Variants in JAKMIP1 observed in about 807,000 individuals in gnomAD.
JAKMIP1 encodes the protein janus kinase and microtubule interacting protein 1.
Under a neutral mutation model 113.0 loss-of-function variants are expected in JAKMIP1, and 33 were observed. The ratio of observed to expected loss-of-function variants is 0.29; its 90% CI spans 0.22 to 0.39. The LOEUF is 0.39. Ranked by LOEUF, JAKMIP1 falls within the 10% of genes least tolerant of loss-of-function variation. The pLI, the probability that JAKMIP1 is intolerant of heterozygous loss-of-function variation, is 1.00. For missense variants in JAKMIP1, 813 were observed against 1,080.5 expected (o/e 0.75, Z 3.47); for synonymous variants, 480 against 459.9 (o/e 1.04, Z -0.56).
At chr4:6,041,215 G>A (rs190335243) in intron 17 of JAKMIP1, among the ~76,000 whole-genome samples, 10 of 152,284 alleles carry the variant, frequency 6.6e-5, no homozygotes, top group African/African-American at 1.9e-4. Flanking sequence ...TCTCCGGAGT[G>A]CAAATCTCTT....
intron 3 of JAKMIP1, among the ~76,000 whole-genome samples, chr4:6,098,902 A>G (rs1712534974): frequency 6.6e-6 from 1 of 152,228 alleles, no homozygotes; most frequent in African/African-American, 2.4e-5. Context: ...CGCTTCTTAA[A>G]CTTCATGTGA....
chr4:6,154,447 C>T lies in JAKMIP1; in HGVS notation c.-147-41450G>A, dbSNP rs547851354. On this transcript the variant is annotated intron_variant, in intron 1 of 20. Coordinates refer to ENST00000409021, the MANE Select transcript of JAKMIP1 (RefSeq NM_001099433.2). The surrounding 1 kb of genome is among the most constrained non-coding windows in gnomAD (Gnocchi z 4.2). Reference sequence around the variant, plus strand: ...AACAAGCTAAAAACCGAACAGAAGCCTTTAGTTCCCTGAGTGATTGGACAA... The same window carrying T: ...AACAAGCTAAAAACCGAACAGAAGCTTTTAGTTCCCTGAGTGATTGGACAA... Among the ~76,000 whole-genome samples the T allele has an allele frequency of 9.2e-5, 14 of 151,684 alleles. No homozygotes were observed. In the South Asian group the frequency reaches 2.7e-3, roughly 30 times the overall value.
rs753034919 is a variant in JAKMIP1 at position 6,180,507 on chromosome 4, C to T, written c.-148+19746G>A. ...AAGCACCATAACAACACAGACACCC[C>T]TCTCCCATCAGATAATTTACTACAA... is the stretch of plus-strand genomic sequence containing the variant. On this transcript the variant is annotated intron_variant, in intron 1 of 20. Coordinates refer to ENST00000409021, the MANE Select transcript of JAKMIP1 (RefSeq NM_001099433.2). The surrounding 1 kb of genome is among the most constrained non-coding windows in gnomAD (Gnocchi z 4.5). Among the ~76,000 whole-genome samples, 12 of 152,198 alleles carry T rather than the reference C, an allele frequency of 7.9e-5. No individual in the cohort carries two copies. Among genetic ancestry groups the T allele is most frequent in the Non-Finnish European group, 1.8e-4 (12 of 68,030 alleles).
chr4:6,044,388 C>T lies in JAKMIP1; in HGVS notation c.2029-2161G>A, dbSNP rs548761922. 1.9e-4 allele frequency among the ~76,000 whole-genome samples: 29 copies of T among 152,128 alleles called. No homozygotes were observed. Among genetic ancestry groups the T allele is most frequent in the African/African-American group, 6.7e-4 (28 of 41,534 alleles). On this transcript the variant is annotated intron_variant, in intron 16 of 20. Coordinates refer to ENST00000409021, the MANE Select transcript of JAKMIP1 (RefSeq NM_001099433.2). This position sits in a 1 kb window ranked among gnomAD's most constrained non-coding sequence, Gnocchi z 4.4. Reference sequence around the variant, plus strand: ...CTGAACAGAGGGGACTAGAACTGATCGGCTCCTGCCACAGAACTCCTTCCC... The same window carrying T: ...CTGAACAGAGGGGACTAGAACTGATTGGCTCCTGCCACAGAACTCCTTCCC...
rs765538551 is a variant in JAKMIP1, at chr4:6,084,895, C to T, written c.905G>A (p.Arg302Gln). 5.7e-6 allele frequency: 9 copies of T among 1,592,442 alleles called. No individual in the cohort carries two copies. Among genetic ancestry groups the T allele is most frequent in the Non-Finnish European group, 5.1e-6 (6 of 1,171,306 alleles). Residue 302 changes from arginine (R) to glutamine (Q), a missense_variant, in exon 5 of 21, where the codon CGG (arginine) becomes CAG (glutamine). By Grantham distance (43) the Arg-to-Gln change is conservative. Transcript: ENST00000409021. The stretch of plus-strand genomic sequence containing the variant: ...CAGCGTATTTCTGTCTTCCAGCTTC[C>T]GTATCACTGAATTCAGTTCAGCAAT... ...LKIAELNSVI[R>Q]KLEDRNTLLA...
At chr4:6,100,825 G>A (rs1712891191) in intron 3 of JAKMIP1, among the ~76,000 whole-genome samples, 5 of 152,026 alleles carry the variant, frequency 3.3e-5, no homozygotes, top group African/African-American at 1.2e-4. Context: ...TGATCAATGA[G>A]GTAGAACACC....
intron 1 of JAKMIP1, among the ~76,000 whole-genome samples, chr4:6,174,411 AGAAAGGACCGT>A (rs1333548794): frequency 6.6e-6 from 1 of 152,264 alleles, no homozygotes; most frequent in Non-Finnish European, 1.5e-5. Flanking sequence ...AGGCACAGCG[AGAAAGGACCGT>A]GAATCCTTGG....
chr4:6,096,707 A>C (rs1236950060), intron 3 of JAKMIP1, among the ~76,000 whole-genome samples: 1 of 152,132 alleles, frequency 6.6e-6, no homozygotes, highest in African/African-American at 2.4e-5. Context: ...CCCTTATCTG[A>C]AATGTTTGGG....
At chr4:6,149,703 T>A (rs554714386) in intron 1 of JAKMIP1, among the ~76,000 whole-genome samples, 1 of 152,288 alleles carries the variant, frequency 6.6e-6, no homozygotes, top group African/African-American at 2.4e-5. Flanking sequence ...CAGGGTTTTT[T>A]TCTTCTGATC....
Position 6,184,142 on chromosome 4 carries a change from A to T in JAKMIP1, c.-148+16111T>A, listed in dbSNP as rs968524916. Among the ~76,000 whole-genome samples, 5 of 152,224 alleles carry T rather than the reference A, an allele frequency of 3.3e-5. No individual in the cohort carries two copies. Among genetic ancestry groups the T allele is most frequent in the Non-Finnish European group, 7.3e-5 (5 of 68,036 alleles). Reference sequence around the variant, plus strand: ...TTGGAGCAGGGTGGTTTAGCTATGTAAAAATTTTATTTTTGAAAAGACTTC... The same window carrying T: ...TTGGAGCAGGGTGGTTTAGCTATGTTAAAATTTTATTTTTGAAAAGACTTC... On this transcript the variant is annotated intron_variant, in intron 1 of 20. Transcript: ENST00000409021. This position sits in a 1 kb window ranked among gnomAD's most constrained non-coding sequence, Gnocchi z 4.5.
intron 1 of JAKMIP1, among the ~76,000 whole-genome samples, chr4:6,144,911 C>A (rs1034606736): frequency 1.3e-5 from 2 of 152,060 alleles, no homozygotes; most frequent in Non-Finnish European, 2.9e-5. Context: ...ATAAAAGGCA[C>A]CCAGATCAGA....
intron 2 of JAKMIP1, among the ~76,000 whole-genome samples, chr4:6,111,308 G>GA (rs1157530892): frequency 6.6e-6 from 1 of 152,156 alleles, no homozygotes; most frequent in Non-Finnish European, 1.5e-5. Flanking sequence ...GCTTCAGATA[G>GA]ACCTTCAACT....
intron 1 of JAKMIP1, among the ~76,000 whole-genome samples, chr4:6,169,122 A>G (rs147759733): frequency 5.9e-5 from 9 of 152,352 alleles, no homozygotes; most frequent in Middle Eastern, 6.8e-3. Context: ...GCCAGATTTT[A>G]TAGTACATGA....
At chr4:6,190,777 G>A (rs1727171898) in intron 1 of JAKMIP1, among the ~76,000 whole-genome samples, 1 of 152,260 alleles carries the variant, frequency 6.6e-6, no homozygotes. Context: ...GGGATGGGGT[G>A]ATACCCCAGG....
rs1353705013 is a variant in JAKMIP1 at position 6,048,916 on chromosome 4, T to G, written c.1969A>C (p.Arg657=). 1.9e-6 allele frequency: 3 copies of G among 1,613,732 alleles called. No individual in the cohort carries two copies. The highest frequency in any genetic ancestry group is 1.6e-4 in the Middle Eastern group (1 of 6,082). Residue 657 remains arginine (R), a synonymous_variant, in exon 16 of 21, where the codon AGA becomes CGA. Coordinates refer to ENST00000409021, the MANE Select transcript of JAKMIP1 (RefSeq NM_001099433.2). ...ATTATTGCAACCTGTTCTTCATTTC[T>G]CAAATTCTAAAACACAAAAATGGGC... The part of the protein sequence containing the change: ...LDILGDNGNL[R]NEEQVAIIQA...
At chr4:6,074,316 C>A (rs1719399162) in intron 8 of JAKMIP1, among the ~76,000 whole-genome samples, 1 of 152,188 alleles carries the variant, frequency 6.6e-6, no homozygotes, top group African/African-American at 2.4e-5. Flanking sequence ...CACCCTCCTG[C>A]AGGGAGTCCA....
At position 6,040,539 on chromosome 4, in the gene JAKMIP1, A is replaced by C; in HGVS notation, c.2175+100T>G. On this transcript the variant is annotated intron_variant, in intron 18 of 20. Coordinates refer to ENST00000409021, the MANE Select transcript of JAKMIP1 (RefSeq NM_001099433.2). This position sits in a 1 kb window ranked among gnomAD's most constrained non-coding sequence, Gnocchi z 5.8. Reference sequence around the variant, plus strand: ...GGCATTTTTATCACTCCTGTTTGGCACTGGGGAGCGCCCTAAATGCAGTTT... The same window carrying C: ...GGCATTTTTATCACTCCTGTTTGGCCCTGGGGAGCGCCCTAAATGCAGTTT... 1 of 796,786 alleles carries C rather than the reference A, an allele frequency of 1.3e-6. No individual in the cohort carries two copies. The highest frequency in any genetic ancestry group is 2.2e-6 in the Non-Finnish European group (1 of 455,762). The allele number at this position is 796,786 out of a possible 1,614,324, so 49.4% of individuals were successfully genotyped here.
At position 6,137,218 on chromosome 4, in the gene JAKMIP1, C is replaced by T. The variant is rs1719374557; in HGVS notation, c.-147-24221G>A. 6.6e-6 allele frequency among the ~76,000 whole-genome samples: 1 copy of T among 152,198 alleles called. No individual in the cohort carries two copies. The highest frequency in any genetic ancestry group is 6.5e-5 in the Admixed American group (1 of 15,284). On this transcript the variant is annotated intron_variant, in intron 1 of 20. Transcript: ENST00000409021. This position sits in a 1 kb window ranked among gnomAD's most constrained non-coding sequence, Gnocchi z 4.5. Reference sequence around the variant, plus strand: ...GCCACATGCAGCTCTGCCTCCTCCACCTGACAGGACATGTGCTATGCCAGG... The same window carrying T: ...GCCACATGCAGCTCTGCCTCCTCCATCTGACAGGACATGTGCTATGCCAGG...
intron 1 of JAKMIP1, among the ~76,000 whole-genome samples, chr4:6,182,180 G>A (rs1056244945): frequency 1.3e-5 from 2 of 151,842 alleles, no homozygotes; most frequent in African/African-American, 2.4e-5. Context: ...TGGGAGGCCG[G>A]GGAAGGTGGA....
Sources: allele counts gnomAD v4.1 joint callset (sites outside exome capture counted in the v4.1 genomes callset), GRCh38; gene constraint gnomAD v4.1.1; non-coding constraint Gnocchi (gnomAD v3.1); transcripts MANE v1.5; gene names NCBI Gene and HGNC (gene_info 2026-07-23, HGNC 2026-07-21).